PTPRD: variants seen among roughly 807,000 people sequenced by gnomAD.
PTPRD encodes the protein protein tyrosine phosphatase receptor type D.
PTPRD carries 34 observed loss-of-function variants against 214.5 expected under a neutral mutation model. The observed-to-expected ratio is 0.16, with a 90% CI of 0.12 to 0.21. PTPRD has a LOEUF of 0.21. Among genes scored for constraint, PTPRD ranks in the 10% least tolerant of loss-of-function variants. PTPRD has a pLI of 1.00. For synonymous variants in PTPRD, 1,128 were observed against 845.7 expected (o/e 1.33, Z -5.79); for missense variants, 2,545 against 2,398.7 (o/e 1.06, Z -1.27).
intron 39 of PTPRD, among the ~76,000 whole-genome samples, chr9:8,375,404 C>T (rs560750773): frequency 2.0e-5 from 3 of 151,914 alleles, no homozygotes; most frequent in Non-Finnish European, 2.9e-5. Context: ...TGTATATATT[C>T]TATTAAATAC....
intron 9 of PTPRD, among the ~76,000 whole-genome samples, chr9:9,388,807 C>G (rs2064801370): frequency 6.6e-6 from 1 of 152,012 alleles, no homozygotes; most frequent in East Asian, 1.9e-4. Flanking sequence ...GATAATTTCT[C>G]AAACACTCAG....
chr9:9,603,503 G>C (rs963241881), intron 7 of PTPRD, among the ~76,000 whole-genome samples: 6 of 152,116 alleles, frequency 3.9e-5, no homozygotes, highest in African/African-American at 1.2e-4. Context: ...GGCCTGTCAG[G>C]AACCAGGCGG....
At chr9:9,242,760 T>C (rs2099971002) in intron 9 of PTPRD, among the ~76,000 whole-genome samples, 1 of 152,082 alleles carries the variant, frequency 6.6e-6, no homozygotes, top group African/African-American at 2.4e-5. Context: ...TTTTCAATGT[T>C]TTTAACTTCT....
At chr9:9,389,367 G>A (rs1356668168) in intron 9 of PTPRD, among the ~76,000 whole-genome samples, 7 of 151,950 alleles carry the variant, frequency 4.6e-5, no homozygotes, top group South Asian at 2.1e-4. Context: ...AAAATTAGCC[G>A]GGCGTGGTGG....
intron 7 of PTPRD, among the ~76,000 whole-genome samples, chr9:9,725,522 A>G (rs1311343817): frequency 6.6e-6 from 1 of 152,176 alleles, no homozygotes; most frequent in Non-Finnish European, 1.5e-5. Flanking sequence ...CTCTAACCAC[A>G]TAAGCACTTT....
At chr9:8,629,117 A>G (rs1595637979) in intron 14 of PTPRD, among the ~76,000 whole-genome samples, 1 of 151,522 alleles carries the variant, frequency 6.6e-6, no homozygotes, top group East Asian at 1.9e-4. Flanking sequence ...TTACTCCCCT[A>G]AAAAAAATTC....
chr9:9,722,002 G>C (rs1472823990), intron 7 of PTPRD, among the ~76,000 whole-genome samples: 6 of 151,960 alleles, frequency 3.9e-5, no homozygotes, highest in Non-Finnish European at 7.4e-5. Context: ...GAGTGTTAGA[G>C]AGTCTTATCT....
intron 10 of PTPRD, among the ~76,000 whole-genome samples, chr9:9,082,873 T>A (rs1025267700): frequency 6.6e-6 from 1 of 152,118 alleles, no homozygotes; most frequent in African/African-American, 2.4e-5. Flanking sequence ...CAAGGAGAAC[T>A]ACAAACCACT....
intron 9 of PTPRD, among the ~76,000 whole-genome samples, chr9:9,308,725 A>C (rs536435899): frequency 6.6e-6 from 1 of 152,284 alleles, no homozygotes; most frequent in African/African-American, 2.4e-5. Context: ...TATTTTTGGA[A>C]AGAGTTATTA....
intron 10 of PTPRD, among the ~76,000 whole-genome samples, chr9:9,070,973 T>C (rs1381476320): frequency 6.6e-6 from 1 of 152,052 alleles, no homozygotes; most frequent in Non-Finnish European, 1.5e-5. Context: ...TGTAGTGCAG[T>C]GCCTCCCCCA....
intron 11 of PTPRD, among the ~76,000 whole-genome samples, chr9:8,772,689 T>C (rs889495275): frequency 6.6e-6 from 1 of 152,186 alleles, no homozygotes; most frequent in African/African-American, 2.4e-5. Context: ...TTTAATGTTC[T>C]TGTCTGCTAA....
chr9:8,537,446 T>TC lies in PTPRD; in HGVS notation c.353-8668dup, dbSNP rs138602069. 2.1e-3 allele frequency among the ~76,000 whole-genome samples: 324 copies of TC among 152,172 alleles called. 1 individual carries two copies. The highest frequency in any genetic ancestry group is 4.0e-3 in the Non-Finnish European group (270 of 67,964). On this transcript the variant is annotated intron_variant, in intron 14 of 45. Transcript: ENST00000381196. ...TATGAACAAGATACAAAAATTTTTT[T>TC]CCCAAGGTCCTCTTTGCAAGTTATT...
chr9:9,958,277 C>T (rs1354635453), intron 4 of PTPRD, among the ~76,000 whole-genome samples: 1 of 152,160 alleles, frequency 6.6e-6, no homozygotes, highest in Non-Finnish European at 1.5e-5. Context: ...CGCCTGTAAT[C>T]CCAGCACTTT....
chr9:10,409,321 A>T (rs1487451701), intron 2 of PTPRD, among the ~76,000 whole-genome samples: 1 of 151,742 alleles, frequency 6.6e-6, no homozygotes. Flanking sequence ...AAAGTTGTGT[A>T]ACTAATGGTA....
chr9:10,502,370 A>G (rs2044062116), intron 2 of PTPRD, among the ~76,000 whole-genome samples: 1 of 151,928 alleles, frequency 6.6e-6, no homozygotes, highest in African/African-American at 2.4e-5. Context: ...GTTATGAAGG[A>G]GAGACTTTAC....
intron 3 of PTPRD, among the ~76,000 whole-genome samples, chr9:10,185,655 C>T (rs746194990): frequency 2.6e-5 from 4 of 152,040 alleles, no homozygotes; most frequent in Non-Finnish European, 4.4e-5. Flanking sequence ...AAGACCTGTG[C>T]TTTTTAAATG....
intron 2 of PTPRD, among the ~76,000 whole-genome samples, chr9:10,437,338 T>G (rs1408680094): frequency 6.6e-6 from 1 of 151,908 alleles, no homozygotes; most frequent in Non-Finnish European, 1.5e-5. Context: ...TTCAGACTAT[T>G]GCAAATTGAT....
chr9:8,746,044 C>G (rs1052405443), intron 11 of PTPRD, among the ~76,000 whole-genome samples: 1 of 152,132 alleles, frequency 6.6e-6, no homozygotes, highest in African/African-American at 2.4e-5. Flanking sequence ...TCCTCCCAAA[C>G]TGGCCTCCCA....
At position 10,327,784 on chromosome 9, in the gene PTPRD, A is replaced by G. The variant is rs190986988; in HGVS notation, c.-545+13179T>C. Among the ~76,000 whole-genome samples the G allele has an allele frequency of 4.0e-5, 6 of 151,846 alleles. No homozygotes were observed. In the East Asian group the frequency reaches 9.8e-4, roughly 25 times the overall value. ...TTTTCCAGTCATTTACATCAGGACA[A>G]GAATTTCTAGAACTCAAACCAATGC... On this transcript the variant is annotated intron_variant, in intron 3 of 45. Transcript: ENST00000381196.
Sources: allele counts gnomAD v4.1 joint callset (sites outside exome capture counted in the v4.1 genomes callset), GRCh38; gene constraint gnomAD v4.1.1; transcripts MANE v1.5; gene names NCBI Gene and HGNC (gene_info 2026-07-23, HGNC 2026-07-21).